The following LSAMP variants were observed in gnomAD, a reference collection of about 807,000 sequenced individuals.
The protein encoded by LSAMP is limbic system-associated membrane protein.
In LSAMP, 7 loss-of-function variants were observed where a neutral mutation model predicts 38.6. The ratio of observed to expected loss-of-function variants is 0.18; its 90% CI spans 0.10 to 0.34. LSAMP has a LOEUF of 0.34. LSAMP is among the 10% of genes least tolerant of loss of function. LSAMP has a pLI of 1.00. For synonymous variants in LSAMP, 154 were observed against 166.8 expected (o/e 0.92, Z 0.59); for missense variants, 313 against 420.0 (o/e 0.75, Z 2.23).
At chr3:116,007,955 T>C (rs1176162376) in intron 3 of LSAMP, among the ~76,000 whole-genome samples, 2 of 152,194 alleles carry the variant, frequency 1.3e-5, no homozygotes, top group Non-Finnish European at 2.9e-5. Context: ...TTCTAGGTGA[T>C]GCAGATGCTG....
chr3:116,264,490 T>C (rs2046869341), intron 1 of LSAMP, among the ~76,000 whole-genome samples: 1 of 152,140 alleles, frequency 6.6e-6, no homozygotes, highest in Non-Finnish European at 1.5e-5. Context: ...GAGAGGCTCA[T>C]GGGCGCTTAA....
At chr3:116,425,249 A>G (rs2107861931) in intron 1 of LSAMP, among the ~76,000 whole-genome samples, 1 of 152,320 alleles carries the variant, frequency 6.6e-6, no homozygotes, top group African/African-American at 2.4e-5. Context: ...ATGTTTCACC[A>G]TCCCCTATTT....
chr3:116,076,515 C>T (rs1707747488), intron 2 of LSAMP, among the ~76,000 whole-genome samples: 1 of 152,124 alleles, frequency 6.6e-6, no homozygotes, highest in African/African-American at 2.4e-5. Context: ...CCTCAGCCTC[C>T]CAAAGTGCTG....
chr3:116,192,247 A>G (rs1710770769), intron 1 of LSAMP, among the ~76,000 whole-genome samples: 1 of 152,224 alleles, frequency 6.6e-6, no homozygotes, highest in Non-Finnish European at 1.5e-5. Context: ...AGTGAGAGGT[A>G]GCTTGAGAAG....
intron 3 of LSAMP, among the ~76,000 whole-genome samples, chr3:115,974,115 C>T (rs1323770237): frequency 6.6e-6 from 1 of 152,022 alleles, no homozygotes; most frequent in Non-Finnish European, 1.5e-5. Flanking sequence ...AAGGCTGAGG[C>T]TGGCAGATTA....
chr3:116,028,753 G>T (rs750646355), intron 2 of LSAMP, among the ~76,000 whole-genome samples: 1 of 152,060 alleles, frequency 6.6e-6, no homozygotes, highest in Non-Finnish European at 1.5e-5. Context: ...CATTTCTGTG[G>T]CTAATGGCAT....
At chr3:116,047,081 T>C (rs573639721) in intron 2 of LSAMP, among the ~76,000 whole-genome samples, 1 of 152,278 alleles carries the variant, frequency 6.6e-6, no homozygotes, top group East Asian at 1.9e-4. Flanking sequence ...GTTCCTATCC[T>C]TTGGGACACG....
intron 1 of LSAMP, among the ~76,000 whole-genome samples, chr3:116,372,889 C>T (rs2048447327): frequency 6.7e-6 from 1 of 148,696 alleles, no homozygotes; most frequent in Non-Finnish European, 1.5e-5. Flanking sequence ...CAGAATATAA[C>T]ATGTGTTGGT....
chr3:115,890,478 AATG>A (rs1335087441), intron 3 of LSAMP, among the ~76,000 whole-genome samples: 1 of 151,944 alleles, frequency 6.6e-6, no homozygotes, highest in African/African-American at 2.4e-5. Context: ...ACTAGTTTGG[AATG>A]ATGATATTCC....
Position 115,943,159 on chromosome 3 carries a change from C to CTG in LSAMP, c.514+76354_514+76355dup, listed in dbSNP as rs1418063017. 6.6e-5 allele frequency among the ~76,000 whole-genome samples: 10 copies of CTG among 152,244 alleles called. No homozygotes were observed. In the East Asian group the frequency reaches 1.9e-3, roughly 29 times the overall value. ...CAAACATCTTGAAGAAGGTTTCACC[C>CTG]TGTGGTACAGCCAATGAGCTAGTTA... On this transcript the variant is annotated intron_variant, in intron 3 of 6. Transcript: ENST00000490035.
intron 1 of LSAMP, among the ~76,000 whole-genome samples, chr3:116,374,068 ATATCT>A (rs1349273343): frequency 6.6e-6 from 1 of 151,920 alleles, no homozygotes; most frequent in Non-Finnish European, 1.5e-5. Context: ...TCCATCACTA[ATATCT>A]TATATAAAAG....
At chr3:115,943,146 A>G (rs765164692) in intron 3 of LSAMP, among the ~76,000 whole-genome samples, 3 of 152,174 alleles carry the variant, frequency 2.0e-5, no homozygotes, top group Non-Finnish European at 4.4e-5. Flanking sequence ...AACATCTTGA[A>G]GAAGGTTTCA....
chr3:115,952,563 A>C (rs185397675), intron 3 of LSAMP, among the ~76,000 whole-genome samples: 1 of 152,266 alleles, frequency 6.6e-6, no homozygotes, highest in Non-Finnish European at 1.5e-5. Context: ...TTGGGGATTC[A>C]GGGGGAATGG....
intron 1 of LSAMP, among the ~76,000 whole-genome samples, chr3:116,348,381 T>G (rs1256180070): frequency 6.6e-6 from 1 of 152,118 alleles, no homozygotes; most frequent in Admixed American, 6.6e-5. Context: ...CCAAGTGTAT[T>G]TGGCATTCTG....
At chr3:116,267,492 T>G (rs779401891) in intron 1 of LSAMP, among the ~76,000 whole-genome samples, 1 of 151,768 alleles carries the variant, frequency 6.6e-6, no homozygotes, top group Admixed American at 6.6e-5. Flanking sequence ...TTAGTATCAA[T>G]GAACTGACAG....
chr3:115,851,538 A>G (rs1354551152), intron 4 of LSAMP, among the ~76,000 whole-genome samples: 1 of 152,228 alleles, frequency 6.6e-6, no homozygotes, highest in African/African-American at 2.4e-5. Flanking sequence ...TCTCTGGCAC[A>G]TAGGAAGACA....
intron 2 of LSAMP, among the ~76,000 whole-genome samples, chr3:116,052,395 T>C (rs1232891942): frequency 6.6e-6 from 1 of 152,210 alleles, no homozygotes; most frequent in Non-Finnish European, 1.5e-5. Flanking sequence ...CAGTTTCCCC[T>C]TTATTCTATT....
intron 3 of LSAMP, among the ~76,000 whole-genome samples, chr3:115,925,148 G>A (rs550753284): frequency 6.6e-6 from 1 of 152,258 alleles, no homozygotes; most frequent in South Asian, 2.1e-4. Context: ...AGGCCTGGGG[G>A]GTGAACAAGG....
At chr3:116,322,868 C>T (rs959312511) in intron 1 of LSAMP, among the ~76,000 whole-genome samples, 7 of 152,162 alleles carry the variant, frequency 4.6e-5, no homozygotes, top group African/African-American at 7.2e-5. Context: ...CTCTTATCCT[C>T]GCCCTTCTTT....
Sources: gnomAD v4.1 joint callset for allele counts (sites outside exome capture counted in the v4.1 genomes callset) on GRCh38, gnomAD v4.1.1 for gene constraint, MANE v1.5 for transcripts, NCBI Gene and HGNC (gene_info 2026-07-23, HGNC 2026-07-21) for gene names.